PITPNM2: variants seen among roughly 807,000 people sequenced by gnomAD.
The protein encoded by PITPNM2 is phosphatidylinositol transfer protein membrane associated 2.
PITPNM2 carries 35 observed loss-of-function variants against 132.2 expected under a neutral mutation model. The ratio of observed to expected loss-of-function variants is 0.26; its 90% CI spans 0.20 to 0.35. The LOEUF is 0.35. PITPNM2 is among the 10% of genes least tolerant of loss of function. The pLI is 1.00. For missense variants in PITPNM2, 1,332 were observed against 1,912.0 expected (o/e 0.70, Z 5.66); for synonymous variants, 738 against 799.2 (o/e 0.92, Z 1.29).
Position 123,111,968 on chromosome 12 carries a change from A to G in PITPNM2, c.-199-1480T>C, listed in dbSNP as rs1005059654. 2.0e-5 allele frequency among the ~76,000 whole-genome samples: 3 copies of G among 152,046 alleles called. No homozygotes were observed. The highest frequency in any genetic ancestry group is 7.2e-5 in the African/African-American group (3 of 41,394). Reference sequence around the variant, plus strand: ...GTTTGCCATGGTAACGCACCCATCAATGGCGAGCCAGATTTGGTAGACCAG... The same window carrying G: ...GTTTGCCATGGTAACGCACCCATCAGTGGCGAGCCAGATTTGGTAGACCAG... On this transcript the variant is annotated intron_variant, in intron 1 of 25. Transcript: ENST00000320201. This position sits in a 1 kb window ranked among gnomAD's most constrained non-coding sequence, Gnocchi z 4.1.
chr12:123,033,503 C>T (rs1198442448), intron 3 of PITPNM2, among the ~76,000 whole-genome samples: 1 of 152,178 alleles, frequency 6.6e-6, no homozygotes. Flanking sequence ...GTCTCTGGCT[C>T]GTCAAAGGAG....
intron 2 of PITPNM2, among the ~76,000 whole-genome samples, chr12:123,055,020 A>T (rs1290159244): frequency 6.6e-6 from 1 of 152,138 alleles, no homozygotes; most frequent in South Asian, 2.1e-4. Flanking sequence ...CTGAGATCAC[A>T]CCACAGCACT....
At chr12:123,139,306 C>T (rs911992124) in intron 1 of PITPNM2, among the ~76,000 whole-genome samples, 4 of 151,954 alleles carry the variant, frequency 2.6e-5, no homozygotes, top group African/African-American at 9.7e-5. Context: ...GGAGACCATC[C>T]TGGCTAACAC....
chr12:123,043,399 A>C (rs1221709240), intron 2 of PITPNM2, among the ~76,000 whole-genome samples: 1 of 152,152 alleles, frequency 6.6e-6, no homozygotes, highest in East Asian at 1.9e-4. Context: ...CACCCCCCAC[A>C]GATTCCTTGA....
chr12:123,134,446 C>T (rs776092042), intron 1 of PITPNM2, among the ~76,000 whole-genome samples: 35 of 152,218 alleles, frequency 2.3e-4, no homozygotes, highest in Non-Finnish European at 3.8e-4. Context: ...GAGTCTGCGG[C>T]GGTGTCACCC....
At position 123,106,238 on chromosome 12, in the gene PITPNM2, C is replaced by T. The variant is rs2042707257; in HGVS notation, c.-96+4147G>A. 6.6e-6 allele frequency among the ~76,000 whole-genome samples: 1 copy of T among 152,080 alleles called. No individual in the cohort carries two copies. The highest frequency in any genetic ancestry group is 2.4e-5 in the African/African-American group (1 of 41,404). ...CACCTTGTTGAAAGTAAAATACATT[C>T]TGGGCCAGGTGTGGTGGTGTGCACC... On this transcript the variant is annotated intron_variant, in intron 2 of 25. Transcript: ENST00000320201. This position sits in a 1 kb window ranked among gnomAD's most constrained non-coding sequence, Gnocchi z 4.4.
intron 1 of PITPNM2, among the ~76,000 whole-genome samples, chr12:123,112,538 CTTTTTTTT>C (rs113732529): frequency 7.1e-6 from 1 of 140,098 alleles, no homozygotes; most frequent in East Asian, 2.0e-4. Flanking sequence ...CTTCAATATA[CTTTTTTTT>C]TTTTTTTTTT....
chr12:123,034,752 G>C, intron 2 of PITPNM2, 67 bp from the exon 3 acceptor site: 1 of 639,526 alleles, frequency 1.6e-6, no homozygotes. Context: ...CCATAGCACA[G>C]AGGAAAGGCC....
chr12:123,051,658 C>T (rs1456398035), intron 2 of PITPNM2, among the ~76,000 whole-genome samples: 1 of 152,228 alleles, frequency 6.6e-6, no homozygotes, highest in Non-Finnish European at 1.5e-5. Flanking sequence ...CGTGCTGGCT[C>T]TGGCTCTTAG....
chr12:123,078,936 G>A lies in PITPNM2; in HGVS notation c.-96+31449C>T, dbSNP rs73411098. Reference sequence around the variant, plus strand: ...GCCACGAGACCTCAGTGGGGTCGCAGTCTCTCTTCTTGGAGATCACATGAC... The same window carrying A: ...GCCACGAGACCTCAGTGGGGTCGCAATCTCTCTTCTTGGAGATCACATGAC... On this transcript the variant is annotated intron_variant, in intron 2 of 25. Coordinates refer to ENST00000320201, the MANE Select transcript of PITPNM2 (RefSeq NM_020845.3). This position sits in a 1 kb window ranked among gnomAD's most constrained non-coding sequence, Gnocchi z 7.3. Among the ~76,000 whole-genome samples the A allele has an allele frequency of 0.035, 5,400 of 152,302 alleles. 308 individuals are homozygous for A. Among genetic ancestry groups the A allele is most frequent in the African/African-American group, 0.12 (5,033 of 41,538 alleles).
chr12:123,119,648 G>A (rs2042996763), intron 1 of PITPNM2, among the ~76,000 whole-genome samples: 1 of 151,946 alleles, frequency 6.6e-6, no homozygotes, highest in Non-Finnish European at 1.5e-5. Context: ...GTGAGCCACC[G>A]CGCCTGGCTG....
intron 1 of PITPNM2, among the ~76,000 whole-genome samples, chr12:123,127,783 G>A (rs1379147617): frequency 2.0e-5 from 3 of 151,914 alleles, no homozygotes; most frequent in Admixed American, 6.6e-5. Context: ...CTAATTTTTT[G>A]TATTTTTAGT....
At position 123,078,035 on chromosome 12, in the gene PITPNM2, G is replaced by C. The variant is rs75693754; in HGVS notation, c.-96+32350C>G. Among the ~76,000 whole-genome samples, 1 of 152,202 alleles carries C rather than the reference G, an allele frequency of 6.6e-6. No individual in the cohort carries two copies. ...GTCCCCAGGATGGGTGGACGGAGGAGCTGGGAGACTGGGCAGGGATGCCGG... is the reference window on the plus strand; with the variant it reads ...GTCCCCAGGATGGGTGGACGGAGGACCTGGGAGACTGGGCAGGGATGCCGG... On this transcript the variant is annotated intron_variant, in intron 2 of 25. Coordinates refer to ENST00000320201, the MANE Select transcript of PITPNM2 (RefSeq NM_020845.3). This position sits in a 1 kb window ranked among gnomAD's most constrained non-coding sequence, Gnocchi z 7.3.
At chr12:123,030,740 A>G (rs914809983) in intron 3 of PITPNM2, among the ~76,000 whole-genome samples, 1 of 152,196 alleles carries the variant, frequency 6.6e-6, no homozygotes, top group Non-Finnish European at 1.5e-5. Flanking sequence ...TGTCAACCCA[A>G]ATGTCCATCA....
intron 2 of PITPNM2, among the ~76,000 whole-genome samples, chr12:123,055,054 C>T (rs10848426): frequency 0.091 from 13,870 of 151,996 alleles, 2,122 homozygotes; most frequent in African/African-American, 0.32. Flanking sequence ...GAGAGCAAAA[C>T]TCAGTCTCAA....
intron 2 of PITPNM2, chr12:123,081,470 G>A (rs1178442738): frequency 6.6e-6 from 1 of 152,288 alleles, no homozygotes; most frequent in Non-Finnish European, 1.5e-5. Context: ...GAAATGCAGA[G>A]GGCCTTGGTT....
chr12:123,092,726 A>T (rs2042302103), intron 2 of PITPNM2: 1 of 152,226 alleles, frequency 6.6e-6, no homozygotes, highest in Non-Finnish European at 1.5e-5. Flanking sequence ...TCTCCGAAAG[A>T]GTGAGGAAAA....
At chr12:123,010,395 T>C (rs775248704) in intron 5 of PITPNM2, among the ~76,000 whole-genome samples, 1 of 152,184 alleles carries the variant, frequency 6.6e-6, no homozygotes, top group Non-Finnish European at 1.5e-5. Context: ...CTTGTTGCCT[T>C]TTCAAGTCAT....
chr12:123,147,373 G>A (rs935337927), intron 1 of PITPNM2, among the ~76,000 whole-genome samples: 2 of 152,068 alleles, frequency 1.3e-5, no homozygotes, highest in South Asian at 2.1e-4. Context: ...GGAGTGCAGT[G>A]GCACAATCAT....
Sources: allele counts gnomAD v4.1 joint callset (sites outside exome capture counted in the v4.1 genomes callset), GRCh38; gene constraint gnomAD v4.1.1; non-coding constraint Gnocchi (gnomAD v3.1); transcripts MANE v1.5; gene names NCBI Gene and HGNC (gene_info 2026-07-23, HGNC 2026-07-21).